Variants in CDYL2 observed in about 807,000 individuals in gnomAD.
The protein encoded by CDYL2 is chromodomain Y like 2.
In CDYL2, 23 loss-of-function variants were observed where a neutral mutation model predicts 49.4. The observed-to-expected ratio is 0.47, with a 90% CI of 0.34 to 0.66. The LOEUF is 0.66. CDYL2 is among the 30% of genes least tolerant of loss of function. CDYL2 has a pLI of 0.01. For synonymous variants in CDYL2, 360 were observed against 268.8 expected (o/e 1.34, Z -3.32); for missense variants, 678 against 656.4 (o/e 1.03, Z -0.36).
intron 1 of CDYL2, among the ~76,000 whole-genome samples, chr16:80,802,787 C>T (rs918457421): frequency 1.3e-5 from 2 of 152,196 alleles, no homozygotes; most frequent in African/African-American, 4.8e-5. Context: ...AAACCCACCA[C>T]CTGAAAAAGC....
chr16:80,628,065 T>C (rs1250592377), intron 3 of CDYL2: 2 of 152,232 alleles, frequency 1.3e-5, no homozygotes, highest in Non-Finnish European at 1.5e-5. Context: ...CTATCTCAAA[T>C]GCAACCACCT....
intron 2 of CDYL2, among the ~76,000 whole-genome samples, chr16:80,675,335 G>T (rs1909698865): frequency 6.6e-6 from 1 of 152,174 alleles, no homozygotes; most frequent in Admixed American, 6.5e-5. Context: ...TATAAACAAG[G>T]TTGATCCCAG....
chr16:80,759,102 C>CTATATA (rs59240300), intron 1 of CDYL2, among the ~76,000 whole-genome samples: 3,461 of 63,146 alleles, frequency 0.055, 173 homozygotes, highest in East Asian at 0.11. Flanking sequence ...AAACCATATA[C>CTATATA]TATATATATA....
chr16:80,692,811 C>T (rs1910468187), intron 1 of CDYL2, among the ~76,000 whole-genome samples: 1 of 152,124 alleles, frequency 6.6e-6, no homozygotes, highest in South Asian at 2.1e-4. Flanking sequence ...ACTAGAGTAA[C>T]ATGTTTGTGT....
intron 1 of CDYL2, among the ~76,000 whole-genome samples, chr16:80,745,693 G>A (rs1905904551): frequency 6.6e-6 from 1 of 152,154 alleles, no homozygotes; most frequent in Non-Finnish European, 1.5e-5. Context: ...GGAGCAAGAG[G>A]TGATTTCTGC....
At chr16:80,618,815 G>A (rs533441019) in intron 4 of CDYL2, among the ~76,000 whole-genome samples, 16 of 152,342 alleles carry the variant, frequency 1.1e-4, no homozygotes, top group East Asian at 7.7e-4. Flanking sequence ...CATTGAGGAC[G>A]TTGGGCAGAG....
chr16:80,615,822 T>A (rs1906802673), intron 4 of CDYL2, among the ~76,000 whole-genome samples: 1 of 152,162 alleles, frequency 6.6e-6, no homozygotes. Flanking sequence ...ATTTCCTTGA[T>A]ATGAAAATGT....
At chr16:80,747,780 C>T (rs1905984252) in intron 1 of CDYL2, among the ~76,000 whole-genome samples, 1 of 152,072 alleles carries the variant, frequency 6.6e-6, no homozygotes, top group African/African-American at 2.4e-5. Flanking sequence ...CCACATACAC[C>T]CTGCCAAGTC....
At chr16:80,655,913 C>A (rs560437823) in intron 2 of CDYL2, among the ~76,000 whole-genome samples, 19 of 152,204 alleles carry the variant, frequency 1.2e-4, no homozygotes, top group Admixed American at 5.9e-4. Flanking sequence ...AACAAGCTGG[C>A]AGGGAAGACG....
intron 1 of CDYL2, among the ~76,000 whole-genome samples, chr16:80,737,538 C>T (rs1251020738): frequency 6.6e-6 from 1 of 152,204 alleles, no homozygotes; most frequent in Non-Finnish European, 1.5e-5. Flanking sequence ...CATGGCTCTT[C>T]ATACCAGCTG....
rs1352904219 is a variant in CDYL2 at position 80,633,191 on chromosome 16, T to C, written c.662A>G (p.Lys221Arg). 6.2e-7 allele frequency: 1 copy of C among 1,614,204 alleles called. No individual in the cohort carries two copies. Among genetic ancestry groups the C allele is most frequent in the South Asian group, 1.1e-5 (1 of 91,086 alleles). Residue 221 changes from lysine (K) to arginine (R), a missense_variant, in exon 3 of 7, where the codon AAG becomes AGG. Lys to Arg is a conservative substitution (Grantham distance 26). Transcript: ENST00000570137. Reference protein sequence around the residue: ...NGGLNLHSPVKRKLEAEKDYV... With the variant: ...NGGLNLHSPVRRKLEAEKDYV... ...GTCCTTCTCCGCTTCCAGCTTCCTC[T>C]TCACTGGACTGTGCAGGTTCAATCC...
intron 1 of CDYL2, among the ~76,000 whole-genome samples, chr16:80,748,377 A>T (rs1339927769): frequency 1.3e-5 from 2 of 149,408 alleles, no homozygotes; most frequent in African/African-American, 2.4e-5. Context: ...ATATAAAAAT[A>T]TTAGCCAGGC....
At chr16:80,801,629 A>G (rs1907930383) in intron 1 of CDYL2, among the ~76,000 whole-genome samples, 1 of 152,256 alleles carries the variant, frequency 6.6e-6, no homozygotes, top group Non-Finnish European at 1.5e-5. Context: ...TGTACACTTT[A>G]GTATAATATT....
At chr16:80,629,662 A>T (rs961289626) in intron 3 of CDYL2, among the ~76,000 whole-genome samples, 1 of 152,240 alleles carries the variant, frequency 6.6e-6, no homozygotes, top group Non-Finnish European at 1.5e-5. Context: ...GAAATATTAC[A>T]GCAAACCCAC....
chr16:80,675,795 T>C (rs758056814), intron 2 of CDYL2, among the ~76,000 whole-genome samples: 6 of 152,124 alleles, frequency 3.9e-5, no homozygotes, highest in Non-Finnish European at 8.8e-5. Flanking sequence ...ACAGACACTG[T>C]ACCCGCTTAC....
At chr16:80,727,378 C>T (rs867506008) in intron 1 of CDYL2, among the ~76,000 whole-genome samples, 4 of 152,342 alleles carry the variant, frequency 2.6e-5, no homozygotes, top group African/African-American at 7.2e-5. Flanking sequence ...CCGAATACTG[C>T]GCTTTTCCGA....
intron 2 of CDYL2, among the ~76,000 whole-genome samples, chr16:80,668,659 G>A (rs1278101161): frequency 6.6e-6 from 1 of 152,018 alleles, no homozygotes; most frequent in South Asian, 2.1e-4. Flanking sequence ...AGCATTTCGG[G>A]AGGCCAAAGC....
At chr16:80,621,190 C>A (rs1395891672) in intron 3 of CDYL2, among the ~76,000 whole-genome samples, 1 of 152,246 alleles carries the variant, frequency 6.6e-6, no homozygotes. Context: ...AGTGTGGTCA[C>A]TGGCTGCAGA....
chr16:80,673,402 C>A (rs1164598581), intron 2 of CDYL2, among the ~76,000 whole-genome samples: 3 of 152,016 alleles, frequency 2.0e-5, no homozygotes, highest in Non-Finnish European at 4.4e-5. Context: ...TATCAAAGTC[C>A]ACACCAAGTA....
Sources: gnomAD v4.1 joint callset for allele counts (sites outside exome capture counted in the v4.1 genomes callset) on GRCh38, gnomAD v4.1.1 for gene constraint, MANE v1.5 for transcripts, NCBI Gene and HGNC (gene_info 2026-07-23, HGNC 2026-07-21) for gene names.